ABCA1: variants seen among roughly 807,000 people sequenced by gnomAD.
ABCA1 encodes ATP binding cassette subfamily A member 1.
ABCA1 carries 133 observed loss-of-function variants against 262.5 expected under a neutral mutation model. That is an observed-to-expected ratio of 0.51 (90% CI 0.44 to 0.59). The LOEUF (loss-of-function observed/expected upper bound fraction) is 0.59. Ranked by LOEUF, ABCA1 falls within the 20% of genes least tolerant of loss-of-function variation. The pLI is 0.00. For synonymous variants in ABCA1, 1,022 were observed against 1,043.5 expected (o/e 0.98, Z 0.40); for missense variants, 2,452 against 2,777.5 (o/e 0.88, Z 2.63).
chr9:104,817,527 C>G lies in ABCA1; in HGVS notation c.3463-123G>C. On this transcript the variant is annotated intron_variant, in intron 23 of 49. Coordinates refer to ENST00000374736, the MANE Select transcript of ABCA1 (RefSeq NM_005502.4). The surrounding 1 kb of genome is among the most constrained non-coding windows in gnomAD (Gnocchi z 4.7). Reference sequence around the variant, plus strand: ...TGAGAACTAAAGGAAAAAGCTTTCCCTGGGACACATGCACTGGCAGCCGTG... The same window carrying G: ...TGAGAACTAAAGGAAAAAGCTTTCCGTGGGACACATGCACTGGCAGCCGTG... 9.4e-7 allele frequency: 1 copy of G among 1,059,932 alleles called. No homozygotes were observed. Among genetic ancestry groups the G allele is most frequent in the African/African-American group, 1.6e-5 (1 of 63,658 alleles). The allele number at this position is 1,059,932 out of a possible 1,614,324, so 65.7% of individuals were successfully genotyped here.
chr9:104,841,563 C>T (rs766411621), intron 8 of ABCA1, among the ~76,000 whole-genome samples: 27 of 152,192 alleles, frequency 1.8e-4, no homozygotes, highest in Non-Finnish European at 3.5e-4. Flanking sequence ...CCATGCTTCA[C>T]GGAGCTCGCT....
chr9:104,919,731 T>G (rs7861459), intron 1 of ABCA1, among the ~76,000 whole-genome samples: 13,426 of 152,266 alleles, frequency 0.088, 896 homozygotes, highest in African/African-American at 0.19. Flanking sequence ...TAAATCATGT[T>G]TACTCAACTG....
chr9:104,862,646 G>GCA (rs1564197987), intron 5 of ABCA1, among the ~76,000 whole-genome samples: 1 of 2,904 alleles, frequency 3.4e-4, no homozygotes, highest in African/African-American at 1.6e-3. Flanking sequence ...GGCCGGGCCG[G>GCA]GCCGGGCCGG....
At chr9:104,867,868 G>A (rs552469761) in intron 5 of ABCA1, among the ~76,000 whole-genome samples, 2 of 152,142 alleles carry the variant, frequency 1.3e-5, no homozygotes, top group Admixed American at 6.5e-5. Flanking sequence ...GAGTTAATGC[G>A]GACCTGGATT....
chr9:104,846,110 A>C (rs1180592920), intron 7 of ABCA1, among the ~76,000 whole-genome samples: 2 of 152,240 alleles, frequency 1.3e-5, no homozygotes, highest in Non-Finnish European at 2.9e-5. Flanking sequence ...TATATGTACC[A>C]ATTCATATAT....
intron 26 of ABCA1, 87 bp from the exon 27 acceptor site, chr9:104,814,318 A>C: frequency 6.4e-7 from 1 of 1,559,110 alleles, no homozygotes; most frequent in Admixed American, 1.7e-5. Context: ...ACACTCTACA[A>C]ATGAGAATGC....
chr9:104,907,808 G>A (rs559947905), intron 1 of ABCA1, among the ~76,000 whole-genome samples: 6 of 152,314 alleles, frequency 3.9e-5, no homozygotes, highest in Admixed American at 6.5e-5. Flanking sequence ...CTTCCCGCCC[G>A]TCCTCACCCT....
At chr9:104,836,177 G>T (rs1174143376) in intron 11 of ABCA1, among the ~76,000 whole-genome samples, 2 of 152,194 alleles carry the variant, frequency 1.3e-5, no homozygotes, top group Non-Finnish European at 1.5e-5. Context: ...CAGCGGATCA[G>T]GGAATAGTCC....
At chr9:104,855,222 A>T in intron 7 of ABCA1, 2 of 921,254 alleles carry the variant, frequency 2.2e-6, no homozygotes, top group Non-Finnish European at 2.6e-6. Flanking sequence ...TCTGAGACAG[A>T]GTCTCACTCT....
chr9:104,845,154 T>C (rs1402748771), intron 8 of ABCA1, among the ~76,000 whole-genome samples: 1 of 152,170 alleles, frequency 6.6e-6, no homozygotes, highest in Non-Finnish European at 1.5e-5. Flanking sequence ...ACAAAAGCAG[T>C]GCATGGGCAG....
intron 44 of ABCA1, among the ~76,000 whole-genome samples, chr9:104,789,886 G>A (rs557314603): frequency 1.6e-4 from 25 of 152,248 alleles, no homozygotes; most frequent in Admixed American, 9.1e-4. Context: ...CTGAGGTCAG[G>A]AGCTCGAGAC....
In ABCA1 at chr9:104,809,543, C is replaced by T. The variant is rs73663551; in HGVS notation, c.4197G>A (p.Thr1399=). ...GGGCGTTTAAGAGTTCCAGGGTTCCCGTGTCCTCAGGAGCATCATTGCTGT... is the reference window on the plus strand; with the variant it reads ...GGGCGTTTAAGAGTTCCAGGGTTCCTGTGTCCTCAGGAGCATCATTGCTGT... ...TFVSNDAPED[T]GTLELLNALT... The change falls in exon 30 of 50, where the codon ACG becomes ACA. Residue 1399 remains threonine, a synonymous_variant. Transcript: ENST00000374736. The T allele has an allele frequency of 6.0e-5, 97 of 1,614,076 alleles. No homozygotes were observed. The African/African-American group carries it at 8.0e-4, about 13-fold the overall frequency.
At chr9:104,791,503 G>GGCTCACT (rs60935890) in intron 43 of ABCA1, among the ~76,000 whole-genome samples, 36,360 of 151,716 alleles carry the variant, frequency 0.24, 6,456 homozygotes, top group African/African-American at 0.5. Context: ...GCGCAATCTG[G>GGCTCACT]GCAACCTCCC....
chr9:104,900,472 C>T (rs1840578355), intron 2 of ABCA1, among the ~76,000 whole-genome samples: 1 of 152,176 alleles, frequency 6.6e-6, no homozygotes, highest in African/African-American at 2.4e-5. Flanking sequence ...CTTCCCCTAC[C>T]TAATGGGCAG....
At chr9:104,872,509 A>G (rs1369671493) in intron 5 of ABCA1, among the ~76,000 whole-genome samples, 1 of 152,216 alleles carries the variant, frequency 6.6e-6, no homozygotes, top group Non-Finnish European at 1.5e-5. Context: ...TGGACAACAG[A>G]CATTACCCTT....
Position 104,791,926 on chromosome 9 carries a change from G to C in ABCA1, c.5820+10C>G. On this transcript the variant is annotated intron_variant, in intron 43 of 49. Transcript: ENST00000374736. ...TAGGGACAAACGCAATATAGACAAA[G>C]TGTCTTTACCTCACCAGGAGGAATG... is the stretch of plus-strand genomic sequence containing the variant. The C allele has an allele frequency of 6.2e-7, 1 of 1,612,904 alleles. No homozygotes were observed. Among genetic ancestry groups the C allele is most frequent in the South Asian group, 1.1e-5 (1 of 90,980 alleles).
intron 1 of ABCA1, among the ~76,000 whole-genome samples, chr9:104,919,422 C>A (rs1204805647): frequency 6.6e-6 from 1 of 152,056 alleles, no homozygotes; most frequent in Non-Finnish European, 1.5e-5. Flanking sequence ...CCAGCCTAGC[C>A]ACCATAGTAA....
At chr9:104,904,864 C>T (rs956315387) in intron 1 of ABCA1, among the ~76,000 whole-genome samples, 9 of 152,316 alleles carry the variant, frequency 5.9e-5, no homozygotes, top group African/African-American at 1.9e-4. Flanking sequence ...CCCCCTACTC[C>T]GTTGGGTGTC....
At chr9:104,839,817 A>C (rs1238512479) in intron 9 of ABCA1, among the ~76,000 whole-genome samples, 5 of 152,144 alleles carry the variant, frequency 3.3e-5, no homozygotes, top group Admixed American at 2.0e-4. Context: ...CTCTTAGCAA[A>C]TTTCAAGTAT....
Sources: gnomAD v4.1 joint callset for allele counts (sites outside exome capture counted in the v4.1 genomes callset) on GRCh38, gnomAD v4.1.1 for gene constraint, Gnocchi (gnomAD v3.1) non-coding constraint, MANE v1.5 for transcripts, NCBI Gene and HGNC (gene_info 2026-07-23, HGNC 2026-07-21) for gene names.